Variants in DNM3 observed in about 807,000 individuals in gnomAD.
DNM3 encodes the protein dynamin 3.
DNM3 carries 47 observed loss-of-function variants against 101.6 expected under a neutral mutation model. The ratio of observed to expected loss-of-function variants is 0.46; its 90% CI spans 0.37 to 0.59. The LOEUF (loss-of-function observed/expected upper bound fraction) is 0.59. DNM3 is among the 20% of genes least tolerant of loss of function. The pLI, the probability that DNM3 is intolerant of heterozygous loss-of-function variation, is 0.00. For synonymous variants in DNM3, 385 were observed against 387.9 expected, an observed-to-expected ratio of 0.99 and a Z score of 0.09; for missense variants, 849 against 1,085.7, an observed-to-expected ratio of 0.78 and a Z score of 3.06.
intron 9 of DNM3, among the ~76,000 whole-genome samples, 159 bp from the exon 10 acceptor site, chr1:172,048,453 T>A (rs975195068): frequency 6.6e-6 from 1 of 152,218 alleles, no homozygotes; most frequent in Non-Finnish European, 1.5e-5. Context: ...AAAGGTCACA[T>A]GATGTGCCAC....
At chr1:172,146,342 T>G (rs1477796073) in intron 14 of DNM3, among the ~76,000 whole-genome samples, 1 of 152,162 alleles carries the variant, frequency 6.6e-6, no homozygotes, top group South Asian at 2.1e-4. Flanking sequence ...CAAGCCCTTG[T>G]TATCTTGTGA....
At chr1:172,073,729 A>G (rs1056803071) in intron 11 of DNM3, among the ~76,000 whole-genome samples, 2 of 152,246 alleles carry the variant, frequency 1.3e-5, no homozygotes, top group African/African-American at 4.8e-5. Context: ...GTTGAAGAGC[A>G]GAGCTCTGGA....
rs185238653 is a variant in DNM3 at position 172,409,798 on chromosome 1, C to T, written c.*1957C>T. 1.1e-5 allele frequency: 11 copies of T among 985,654 alleles called. No individual in the cohort carries two copies. The African/African-American group carries it at 1.2e-4, about 11-fold the overall frequency. 61.1% of individuals were successfully genotyped at this position (985,654 alleles called of 1,614,324 possible). A position where few individuals can be genotyped will look rare whatever the true frequency, so the allele number is the denominator to read the frequency against. On this transcript the variant is annotated 3_prime_UTR_variant, in exon 21 of 21. Transcript: ENST00000627582. Reference sequence around the variant, plus strand: ...TGAATTCTCTAAAATAGGCAGCTAACGGATTATATACTTCAGGGTTTGGCT... The same window carrying T: ...TGAATTCTCTAAAATAGGCAGCTAATGGATTATATACTTCAGGGTTTGGCT...
Position 172,016,899 on chromosome 1 carries a change from AC to A in DNM3, c.590-15500del, listed in dbSNP as rs1211204773. ...TGAAAAAAAACCATCTTAATCTGTC[AC>A]CCAGGCTGGAGTGCAGTGTTTCAAT... On this transcript the variant is annotated intron_variant, in intron 4 of 20. Coordinates refer to ENST00000627582, the MANE Select transcript of DNM3 (RefSeq NM_015569.5). 9.9e-5 allele frequency among the ~76,000 whole-genome samples: 15 copies of A among 152,158 alleles called. No homozygotes were observed. In the East Asian group the frequency reaches 2.5e-3, roughly 25 times the overall value.
At chr1:171,893,678 C>T (rs2125187726) in intron 1 of DNM3, among the ~76,000 whole-genome samples, 1 of 152,268 alleles carries the variant, frequency 6.6e-6, no homozygotes, top group Middle Eastern at 3.4e-3. Context: ...TGGTCTCAAA[C>T]TCCTGGGCTC....
intron 1 of DNM3, among the ~76,000 whole-genome samples, chr1:171,903,671 T>G (rs1384099215): frequency 6.6e-6 from 1 of 152,240 alleles, no homozygotes; most frequent in Non-Finnish European, 1.5e-5. Flanking sequence ...TAGCACATTA[T>G]TAATGTGGAA....
intron 2 of DNM3, among the ~76,000 whole-genome samples, chr1:171,960,419 A>G (rs2043142390): frequency 6.6e-6 from 1 of 152,196 alleles, no homozygotes; most frequent in South Asian, 2.1e-4. Flanking sequence ...CTAGTGTGTG[A>G]TTAGGTAAAG....
intron 14 of DNM3, among the ~76,000 whole-genome samples, chr1:172,200,815 T>C (rs2148483647): frequency 6.6e-6 from 1 of 152,304 alleles, no homozygotes. Flanking sequence ...GTGATTCTTA[T>C]TTTCTTGGAT....
chr1:172,305,072 A>G (rs1161254077), intron 15 of DNM3, among the ~76,000 whole-genome samples: 1 of 152,188 alleles, frequency 6.6e-6, no homozygotes, highest in Admixed American at 6.5e-5. Flanking sequence ...AATACCCTTC[A>G]AAAAAATCAG....
chr1:171,848,262 C>T lies in DNM3; in HGVS notation c.161+6445C>T, dbSNP rs531692770. On this transcript the variant is annotated intron_variant, in intron 1 of 20. Coordinates refer to ENST00000627582, the MANE Select transcript of DNM3 (RefSeq NM_015569.5). ...TTTTCTCTTCCGTGATACTCTCTTTCATTACTCTTCTTGATAGTTGACCAG... is the reference window on the plus strand; with the variant it reads ...TTTTCTCTTCCGTGATACTCTCTTTTATTACTCTTCTTGATAGTTGACCAG... Among the ~76,000 whole-genome samples, 24 of 152,280 alleles carry T rather than the reference C, an allele frequency of 1.6e-4. No homozygotes were observed. The East Asian group carries it at 4.6e-3, about 29-fold the overall frequency.
intron 1 of DNM3, among the ~76,000 whole-genome samples, chr1:171,917,002 T>G (rs949186341): frequency 8.5e-5 from 13 of 152,204 alleles, no homozygotes; most frequent in Non-Finnish European, 1.6e-4. Context: ...AGATATTCTT[T>G]GCTGTATGTT....
intron 20 of DNM3, among the ~76,000 whole-genome samples, chr1:172,396,153 A>G (rs1352390727): frequency 6.6e-6 from 1 of 152,244 alleles, no homozygotes; most frequent in African/African-American, 2.4e-5. Context: ...AACTATTCCC[A>G]TAAGCACTAG....
At chr1:172,208,288 G>C (rs1343418817) in intron 14 of DNM3, among the ~76,000 whole-genome samples, 1 of 152,070 alleles carries the variant, frequency 6.6e-6, no homozygotes, top group East Asian at 1.9e-4. Flanking sequence ...TTTTTATCTA[G>C]ATCATGTTTT....
chr1:172,061,761 G>A (rs1250191824), intron 10 of DNM3, among the ~76,000 whole-genome samples: 3 of 151,544 alleles, frequency 2.0e-5, no homozygotes, highest in Non-Finnish European at 4.4e-5. Flanking sequence ...TGACAAGTTA[G>A]TGGGTGCAGC....
intron 2 of DNM3, among the ~76,000 whole-genome samples, chr1:171,963,595 G>A (rs2043359546): frequency 6.6e-6 from 1 of 151,972 alleles, no homozygotes; most frequent in Non-Finnish European, 1.5e-5. Flanking sequence ...GTTGATATTG[G>A]GGTAATGCAT....
At chr1:171,932,911 A>G (rs1457871702) in intron 2 of DNM3, among the ~76,000 whole-genome samples, 2 of 152,166 alleles carry the variant, frequency 1.3e-5, no homozygotes, top group Non-Finnish European at 2.9e-5. Context: ...ATTCTTACAT[A>G]TTGAGCTCCT....
intron 17 of DNM3, 97 bp downstream of exon 17, chr1:172,323,437 C>T (rs2065813529): frequency 3.5e-6 from 5 of 1,420,840 alleles, no homozygotes; most frequent in Middle Eastern, 3.6e-4. Flanking sequence ...GCTGGAATGA[C>T]TGTCATCTGT....
intron 15 of DNM3, among the ~76,000 whole-genome samples, chr1:172,272,111 C>T (rs2421992): frequency 0.63 from 94,961 of 151,822 alleles, 30,515 homozygotes; most frequent in Admixed American, 0.69. Context: ...CAAGTAAAAA[C>T]GGAATCCCAT....
chr1:171,846,839 A>G (rs888841280), intron 1 of DNM3, among the ~76,000 whole-genome samples: 2 of 152,190 alleles, frequency 1.3e-5, no homozygotes, highest in Non-Finnish European at 2.9e-5. Context: ...AGTAGACGGA[A>G]AAAAGGGGCC....
Sources: allele counts gnomAD v4.1 joint callset (sites outside exome capture counted in the v4.1 genomes callset), GRCh38; gene constraint gnomAD v4.1.1; transcripts MANE v1.5; gene names NCBI Gene and HGNC (gene_info 2026-07-23, HGNC 2026-07-21).